The following ADAMTSL1 variants were observed in gnomAD, a reference collection of about 807,000 sequenced individuals.
ADAMTSL1 encodes the protein ADAMTS like 1.
In ADAMTSL1, 126 loss-of-function variants were observed where a neutral mutation model predicts 201.8. The ratio of observed to expected loss-of-function variants is 0.62; its 90% confidence interval spans 0.54 to 0.72. ADAMTSL1 has a LOEUF of 0.72. Among genes scored for constraint, ADAMTSL1 ranks in the 30% least tolerant of loss-of-function variants. ADAMTSL1 has a pLI of 0.00. For synonymous variants in ADAMTSL1, 1,121 were observed against 903.4 expected, an observed-to-expected ratio of 1.24 and a Z score of -4.32; for missense variants, 2,679 against 2,277.8, an observed-to-expected ratio of 1.18 and a Z score of -3.59.
intron 1 of ADAMTSL1, among the ~76,000 whole-genome samples, chr9:17,936,900 C>A (rs1037017341): frequency 2.0e-5 from 3 of 152,110 alleles, no homozygotes; most frequent in Non-Finnish European, 4.4e-5. Context: ...TTCCATGTGG[C>A]TTTTGGTCTG....
intron 2 of ADAMTSL1, among the ~76,000 whole-genome samples, chr9:18,251,092 T>C (rs2132490288): frequency 6.6e-6 from 1 of 151,974 alleles, no homozygotes; most frequent in Middle Eastern, 3.4e-3. Flanking sequence ...AATTTAACTC[T>C]AAAACTAAAA....
chr9:18,371,973 A>G (rs910112170), intron 2 of ADAMTSL1, among the ~76,000 whole-genome samples: 3 of 152,250 alleles, frequency 2.0e-5, no homozygotes, highest in African/African-American at 7.2e-5. Flanking sequence ...AACACAGGCA[A>G]AATAGCCTGT....
rs142307164 is a variant in ADAMTSL1, at chr9:18,152,989, A to G, written c.88-10873A>G. 2.1e-4 allele frequency among the ~76,000 whole-genome samples: 32 copies of G among 152,114 alleles called. No individual in the cohort carries two copies. The East Asian group carries it at 5.6e-3, about 27-fold the overall frequency. ...TTGGTTTGGCCAATGTCCTTCTTAA[A>G]GTTTGGCATCTAGAAATTAACTCCC... is the stretch of plus-strand genomic sequence containing the variant. On this transcript the variant is annotated intron_variant, in intron 1 of 29. Coordinates refer to the ADAMTSL1 transcript ENST00000680146.
At chr9:18,514,054 C>T (rs111613809) in intron 2 of ADAMTSL1, among the ~76,000 whole-genome samples, 10 of 150,080 alleles carry the variant, frequency 6.7e-5, no homozygotes, top group African/African-American at 1.7e-4. Flanking sequence ...TGATAGGCAA[C>T]GCATTGTATC....
chr9:18,749,784 T>A (rs1364028823), intron 15 of ADAMTSL1, among the ~76,000 whole-genome samples: 3 of 152,204 alleles, frequency 2.0e-5, no homozygotes. Context: ...ATCAGCAAAG[T>A]CCTTAATATA....
intron 1 of ADAMTSL1, among the ~76,000 whole-genome samples, chr9:18,477,423 A>G (rs1482325012): frequency 6.6e-6 from 1 of 152,206 alleles, no homozygotes; most frequent in African/African-American, 2.4e-5. Flanking sequence ...GTCAAACACA[A>G]TAGCCCATTC....
intron 1 of ADAMTSL1, among the ~76,000 whole-genome samples, chr9:18,074,455 C>T (rs1823104010): frequency 6.7e-6 from 1 of 148,530 alleles, no homozygotes; most frequent in Non-Finnish European, 1.5e-5. Flanking sequence ...CAGATTTATT[C>T]ATTTCACCAC....
chr9:18,826,938 C>G (rs1489786076), intron 22 of ADAMTSL1, among the ~76,000 whole-genome samples: 1 of 152,224 alleles, frequency 6.6e-6, no homozygotes, highest in East Asian at 1.9e-4. Flanking sequence ...CATCTAAAGT[C>G]TCCACATGTA....
chr9:18,580,687 G>T (rs1414151383), intron 4 of ADAMTSL1, among the ~76,000 whole-genome samples: 1 of 152,080 alleles, frequency 6.6e-6, no homozygotes, highest in African/African-American at 2.4e-5. Flanking sequence ...CCATAGGAGT[G>T]ATACATTTTT....
chr9:18,903,893 C>A (rs1447357036), intron 26 of ADAMTSL1, among the ~76,000 whole-genome samples: 1 of 151,726 alleles, frequency 6.6e-6, no homozygotes, highest in Non-Finnish European at 1.5e-5. Flanking sequence ...CCAGTTCAAA[C>A]CCATGTTGTT....
intron 1 of ADAMTSL1, among the ~76,000 whole-genome samples, chr9:18,101,016 A>G (rs909323677): frequency 5.3e-5 from 8 of 152,148 alleles, no homozygotes; most frequent in African/African-American, 1.7e-4. Flanking sequence ...GCATGGGGAT[A>G]TGCTGTCACA....
chr9:18,729,647 AT>A (rs1257602620), intron 15 of ADAMTSL1, among the ~76,000 whole-genome samples: 47 of 152,216 alleles, frequency 3.1e-4, no homozygotes, highest in Non-Finnish European at 4.8e-4. Context: ...ACAAATGTCT[AT>A]TGAATGCCTG....
At chr9:18,256,988 T>A (rs1831713655) in intron 2 of ADAMTSL1, among the ~76,000 whole-genome samples, 1 of 152,218 alleles carries the variant, frequency 6.6e-6, no homozygotes, top group Admixed American at 6.5e-5. Context: ...GCTTACACAT[T>A]CCATGAGAGT....
chr9:18,258,616 G>C (rs1831789470), intron 2 of ADAMTSL1, among the ~76,000 whole-genome samples: 1 of 152,156 alleles, frequency 6.6e-6, no homozygotes, highest in Admixed American at 6.5e-5. Context: ...CCCACCGCCA[G>C]TGCCTTCTCC....
chr9:18,689,544 A>G (rs1395167934), intron 13 of ADAMTSL1, among the ~76,000 whole-genome samples: 1 of 152,156 alleles, frequency 6.6e-6, no homozygotes. Context: ...AAGAAAAAAG[A>G]AAAAAAGGTA....
At chr9:18,759,043 C>G (rs1330122826) in intron 16 of ADAMTSL1, among the ~76,000 whole-genome samples, 4 of 152,168 alleles carry the variant, frequency 2.6e-5, no homozygotes, top group African/African-American at 9.7e-5. Context: ...AAGAATTGGT[C>G]CACTTTGAAA....
At chr9:18,680,198 A>G (rs1830377710) in intron 10 of ADAMTSL1, 114 bp from the exon 11 acceptor site, 4 of 1,087,368 alleles carry the variant, frequency 3.7e-6, no homozygotes, top group Non-Finnish European at 5.3e-6. Flanking sequence ...TCTGGACCTT[A>G]GCCTCTCAGA....
chr9:18,735,822 C>G (rs1243489727), intron 15 of ADAMTSL1, among the ~76,000 whole-genome samples: 2 of 141,752 alleles, frequency 1.4e-5, no homozygotes. Context: ...GTAATCATGG[C>G]TGACTACAGC....
chr9:18,795,884 T>A (rs1822390540), intron 20 of ADAMTSL1, among the ~76,000 whole-genome samples: 1 of 152,232 alleles, frequency 6.6e-6, no homozygotes, highest in African/African-American at 2.4e-5. Flanking sequence ...TTGAAGACTC[T>A]TTTGGATCCT....
Sources: allele counts gnomAD v4.1 joint callset (sites outside exome capture counted in the v4.1 genomes callset), GRCh38; gene constraint gnomAD v4.1.1; transcripts MANE v1.5; gene names NCBI Gene and HGNC (gene_info 2026-07-23, HGNC 2026-07-21).